ST6GALNAC3: variants seen among roughly 807,000 people sequenced by gnomAD.
ST6GALNAC3 encodes alpha-N-acetylgalactosaminide alpha-2,6-sialyltransferase 3.
In ST6GALNAC3, 25 loss-of-function variants were observed where a neutral mutation model predicts 32.7. The observed-to-expected ratio is 0.76, with a 90% CI of 0.56 to 1.07. The LOEUF (loss-of-function observed/expected upper bound fraction) is 1.07. Ranked by LOEUF, ST6GALNAC3 falls within the 50% of genes least tolerant of loss-of-function variation. The pLI is 0.00. For synonymous variants in ST6GALNAC3, 129 were observed against 133.1 expected, an observed-to-expected ratio of 0.97 and a Z score of 0.21; for missense variants, 355 against 382.4, an observed-to-expected ratio of 0.93 and a Z score of 0.60.
In ST6GALNAC3 at chr1:76,299,300, C is replaced by T. The variant is rs186487101; in HGVS notation, c.19-14505C>T. On this transcript the variant is annotated intron_variant, in intron 1 of 4. Coordinates refer to ENST00000328299, the MANE Select transcript of ST6GALNAC3 (RefSeq NM_152996.4). The stretch of plus-strand genomic sequence containing the variant: ...ATGAACTGGGAAGCTCTTGATCAGG[C>T]ATACGAAATACCCAGATTCTTGTAT... 2.0e-4 allele frequency among the ~76,000 whole-genome samples: 30 copies of T among 152,054 alleles called. No individual in the cohort carries two copies. The East Asian group carries it at 4.5e-3, about 23-fold the overall frequency.
At chr1:76,455,809 A>G (rs1657737176) in intron 3 of ST6GALNAC3, among the ~76,000 whole-genome samples, 1 of 152,140 alleles carries the variant, frequency 6.6e-6, no homozygotes, top group Admixed American at 6.6e-5. Context: ...ACCTCTATAA[A>G]TGAAAATTGC....
At chr1:76,337,407 A>C (rs1477999520) in intron 2 of ST6GALNAC3, among the ~76,000 whole-genome samples, 2 of 152,172 alleles carry the variant, frequency 1.3e-5, no homozygotes, top group Non-Finnish European at 2.9e-5. Flanking sequence ...TACCCTTTCC[A>C]TTGGGCTTGG....
intron 2 of ST6GALNAC3, among the ~76,000 whole-genome samples, chr1:76,339,625 TA>T (rs1396548857): frequency 6.6e-6 from 1 of 152,192 alleles, no homozygotes; most frequent in Non-Finnish European, 1.5e-5. Context: ...TTATCCACTA[TA>T]AAATAGGTGT....
intron 3 of ST6GALNAC3, among the ~76,000 whole-genome samples, chr1:76,469,099 ATGTTTATT>A (rs1337643144): frequency 6.6e-6 from 1 of 152,070 alleles, no homozygotes; most frequent in African/African-American, 2.4e-5. Context: ...ATTCTTGCAT[ATGTTTATT>A]TTAAATTCCT....
chr1:76,459,643 CTTG>C (rs200597273), intron 3 of ST6GALNAC3, among the ~76,000 whole-genome samples: 2 of 151,848 alleles, frequency 1.3e-5, no homozygotes, highest in African/African-American at 2.4e-5. Flanking sequence ...CTACTTGTGC[CTTG>C]TTGTTGTACA....
chr1:76,462,856 A>G (rs1282906101), intron 3 of ST6GALNAC3, among the ~76,000 whole-genome samples: 2 of 152,150 alleles, frequency 1.3e-5, no homozygotes, highest in Non-Finnish European at 2.9e-5. Flanking sequence ...AACAACCACT[A>G]TCCACATTTT....
At chr1:76,485,820 T>A (rs1291655741) in intron 3 of ST6GALNAC3, among the ~76,000 whole-genome samples, 1 of 152,240 alleles carries the variant, frequency 6.6e-6, no homozygotes, top group Non-Finnish European at 1.5e-5. Flanking sequence ...GATGTTAGGG[T>A]GTCCATTTTA....
At chr1:76,525,707 T>C (rs1662825356) in intron 3 of ST6GALNAC3, among the ~76,000 whole-genome samples, 1 of 149,804 alleles carries the variant, frequency 6.7e-6, no homozygotes, top group African/African-American at 2.4e-5. Flanking sequence ...ACATTTTTCA[T>C]TAAACAACTA....
At chr1:76,181,024 C>T (rs1244894421) in intron 1 of ST6GALNAC3, among the ~76,000 whole-genome samples, 4 of 152,254 alleles carry the variant, frequency 2.6e-5, no homozygotes, top group Admixed American at 1.3e-4. Flanking sequence ...CTGTAACATA[C>T]ACCCAACTGG....
At chr1:76,539,566 A>G (rs541728965) in intron 3 of ST6GALNAC3, among the ~76,000 whole-genome samples, 2 of 152,324 alleles carry the variant, frequency 1.3e-5, no homozygotes, top group Admixed American at 6.5e-5. Context: ...AACTATTGTC[A>G]GCGTGAACAG....
chr1:76,149,471 C>A (rs1000928891), intron 1 of ST6GALNAC3, among the ~76,000 whole-genome samples: 2 of 152,124 alleles, frequency 1.3e-5, no homozygotes, highest in Non-Finnish European at 2.9e-5. Context: ...GCCCCACCAG[C>A]TTTATTGAGG....
chr1:76,292,104 G>A (rs775500415), intron 1 of ST6GALNAC3, among the ~76,000 whole-genome samples: 82 of 152,216 alleles, frequency 5.4e-4, no homozygotes, highest in Non-Finnish European at 9.4e-4. Flanking sequence ...CTTGGGATTT[G>A]TATTAATTGT....
chr1:76,358,908 C>T (rs1447169541), intron 2 of ST6GALNAC3, among the ~76,000 whole-genome samples: 3 of 152,138 alleles, frequency 2.0e-5, no homozygotes, highest in Admixed American at 6.5e-5. Flanking sequence ...GATCTTTTAC[C>T]TCTTAGATCA....
chr1:76,333,208 G>T (rs1647233013), intron 2 of ST6GALNAC3, among the ~76,000 whole-genome samples: 1 of 152,152 alleles, frequency 6.6e-6, no homozygotes, highest in Admixed American at 6.5e-5. Context: ...CTCAATTGTG[G>T]TAAGTTTAAT....
chr1:76,441,212 T>C (rs914860006), intron 3 of ST6GALNAC3, among the ~76,000 whole-genome samples: 4 of 152,140 alleles, frequency 2.6e-5, no homozygotes, highest in African/African-American at 7.2e-5. Flanking sequence ...ATTATTATTG[T>C]AATGATCATA....
At chr1:76,282,494 T>C (rs1266708172) in intron 1 of ST6GALNAC3, among the ~76,000 whole-genome samples, 1 of 152,188 alleles carries the variant, frequency 6.6e-6, no homozygotes, top group Non-Finnish European at 1.5e-5. Flanking sequence ...TCAGTATATG[T>C]CAATACTTGA....
intron 3 of ST6GALNAC3, among the ~76,000 whole-genome samples, chr1:76,419,573 A>G (rs1483149381): frequency 6.6e-6 from 1 of 152,026 alleles, no homozygotes; most frequent in African/African-American, 2.4e-5. Context: ...CTTCAAGTTT[A>G]GTTCAAAATT....
chr1:76,140,338 G>A (rs1186674576), intron 1 of ST6GALNAC3, among the ~76,000 whole-genome samples: 1 of 152,122 alleles, frequency 6.6e-6, no homozygotes, highest in East Asian at 1.9e-4. Flanking sequence ...GCCTCTGAAG[G>A]AAGGAAGGCC....
intron 3 of ST6GALNAC3, among the ~76,000 whole-genome samples, chr1:76,558,493 A>C (rs1352727166): frequency 6.6e-6 from 1 of 152,220 alleles, no homozygotes; most frequent in Non-Finnish European, 1.5e-5. Context: ...TCAGGAACAG[A>C]AAATCAAATG....
Sources: gnomAD v4.1 joint callset for allele counts (sites outside exome capture counted in the v4.1 genomes callset) on GRCh38, gnomAD v4.1.1 for gene constraint, MANE v1.5 for transcripts, NCBI Gene and HGNC (gene_info 2026-07-23, HGNC 2026-07-21) for gene names.